The following RSRC1 variants were observed in gnomAD, a reference collection of about 807,000 sequenced individuals.
RSRC1 encodes the protein serine/Arginine-related protein 53.
A neutral mutation model predicts 49.1 loss-of-function variants in RSRC1; 39 were observed. The ratio of observed to expected loss-of-function variants is 0.79; its 90% confidence interval spans 0.61 to 1.04. The LOEUF is 1.04. Among genes scored for constraint, RSRC1 ranks in the 50% least tolerant of loss-of-function variants. The pLI is 0.00. For missense variants in RSRC1, 388 were observed against 402.4 expected (o/e 0.96, Z 0.31); for synonymous variants, 143 against 130.8 (o/e 1.09, Z -0.63).
intron 5 of RSRC1, among the ~76,000 whole-genome samples, chr3:158,334,764 C>T (rs1729791849): frequency 6.6e-6 from 1 of 151,636 alleles, no homozygotes; most frequent in Non-Finnish European, 1.5e-5. Flanking sequence ...CGTGATCTGC[C>T]CACCTCAGCC....
At chr3:158,461,550 A>G (rs1051352505) in intron 7 of RSRC1, among the ~76,000 whole-genome samples, 3 of 151,844 alleles carry the variant, frequency 2.0e-5, no homozygotes, top group Non-Finnish European at 4.4e-5. Context: ...ACAAATTTTT[A>G]TTTTCCCCTT....
intron 3 of RSRC1, among the ~76,000 whole-genome samples, chr3:158,157,540 G>T (rs1308275267): frequency 6.6e-6 from 1 of 152,200 alleles, no homozygotes; most frequent in Admixed American, 6.5e-5. Flanking sequence ...ATCAGAGGGA[G>T]AACTGGATTG....
At chr3:158,127,657 A>T (rs566691845) in intron 3 of RSRC1, among the ~76,000 whole-genome samples, 1 of 151,140 alleles carries the variant, frequency 6.6e-6, no homozygotes, top group South Asian at 2.1e-4. Context: ...TTTCTTTGTC[A>T]GGTAATTTAC....
rs550716036 is a variant in RSRC1 at position 158,182,906 on chromosome 3, A to G, written c.321-20166A>G. Among the ~76,000 whole-genome samples, 8 of 152,266 alleles carry G rather than the reference A, an allele frequency of 5.3e-5. No homozygotes were observed. The East Asian group carries it at 1.5e-3, about 29-fold the overall frequency. The stretch of plus-strand genomic sequence containing the variant: ...TAATTATGATATGGTACTGAGCTGT[A>G]TAGTAATGCTGTAAAGCACTATCTG... On this transcript the variant is annotated intron_variant, in intron 3 of 9. Coordinates refer to ENST00000611884, the MANE Select transcript of RSRC1 (RefSeq NM_001271838.2).
In RSRC1 at chr3:158,544,168, C is replaced by G; in HGVS notation, c.913-15C>G. 1 of 1,581,224 alleles carries G rather than the reference C, an allele frequency of 6.3e-7. No homozygotes were observed. Among genetic ancestry groups the G allele is most frequent in the Non-Finnish European group, 8.6e-7 (1 of 1,156,690 alleles). ...GGAGACAGTAACATTTTTTCTTTTTCTTTTCTTATTTCAGTTATTTATCGA... is the reference window on the plus strand; with the variant it reads ...GGAGACAGTAACATTTTTTCTTTTTGTTTTCTTATTTCAGTTATTTATCGA... On this transcript the variant is annotated splice_polypyrimidine_tract_variant and intron_variant, in intron 9 of 9. Transcript: ENST00000611884.
intron 6 of RSRC1, among the ~76,000 whole-genome samples, chr3:158,447,783 C>G (rs751617578): frequency 2.6e-5 from 4 of 151,556 alleles, no homozygotes; most frequent in Middle Eastern, 3.2e-3. Flanking sequence ...AAAGAAACAC[C>G]CTTTTTAATG....
chr3:158,196,220 C>T (rs1184933691), intron 3 of RSRC1, among the ~76,000 whole-genome samples: 3 of 151,750 alleles, frequency 2.0e-5, no homozygotes, highest in Non-Finnish European at 2.9e-5. Context: ...CTTCACATCC[C>T]TTGTAAGTTG....
chr3:158,226,097 G>C (rs1722516611), intron 4 of RSRC1, among the ~76,000 whole-genome samples: 1 of 151,862 alleles, frequency 6.6e-6, no homozygotes, highest in Admixed American at 6.6e-5. Context: ...TTGAGGAATG[G>C]ATACTGTTTG....
intron 4 of RSRC1, among the ~76,000 whole-genome samples, chr3:158,220,808 A>G (rs1252124008): frequency 6.6e-6 from 1 of 151,610 alleles, no homozygotes; most frequent in Non-Finnish European, 1.5e-5. Context: ...CTGGCTTTAA[A>G]TAGTTAGAAT....
chr3:158,361,410 G>C (rs1006477248), intron 6 of RSRC1, among the ~76,000 whole-genome samples: 1 of 152,128 alleles, frequency 6.6e-6, no homozygotes, highest in Non-Finnish European at 1.5e-5. Context: ...CCTTGGGGCG[G>C]GTCTCAACCA....
intron 3 of RSRC1, chr3:158,137,022 T>G (rs560252057): frequency 1.3e-5 from 2 of 152,294 alleles, no homozygotes; most frequent in East Asian, 3.9e-4. Flanking sequence ...TTAATAAAAT[T>G]TATCCAAAAT....
Position 158,504,404 on chromosome 3 carries a change from A to C in RSRC1, c.653-32688A>C, listed in dbSNP as rs78339351. Among the ~76,000 whole-genome samples, 37 of 152,328 alleles carry C rather than the reference A, an allele frequency of 2.4e-4. No homozygotes were observed. In the East Asian group the frequency reaches 4.1e-3, roughly 17 times the overall value. On this transcript the variant is annotated intron_variant, in intron 7 of 9. Transcript: ENST00000611884. ...CTAGTCCTGCTTCCCATCTGCCATG[A>C]TCAGATCAGGCTACTATGAAAATAT...
chr3:158,534,227 A>C (rs1712586476), intron 7 of RSRC1, among the ~76,000 whole-genome samples: 1 of 151,754 alleles, frequency 6.6e-6, no homozygotes, highest in South Asian at 2.1e-4. Flanking sequence ...TATAATCATT[A>C]TAAATTGTGA....
chr3:158,147,388 A>G (rs1717208163), intron 3 of RSRC1, among the ~76,000 whole-genome samples: 1 of 151,600 alleles, frequency 6.6e-6, no homozygotes, highest in Admixed American at 6.6e-5. Flanking sequence ...CTACAATTCC[A>G]TCATTATTTT....
At chr3:158,343,351 A>C (rs1578364462) in intron 5 of RSRC1, among the ~76,000 whole-genome samples, 1 of 152,236 alleles carries the variant, frequency 6.6e-6, no homozygotes, top group Non-Finnish European at 1.5e-5. Flanking sequence ...AAGTCTACTT[A>C]TAGGAATACA....
At chr3:158,184,363 C>T (rs1485910459) in intron 3 of RSRC1, among the ~76,000 whole-genome samples, 2 of 151,894 alleles carry the variant, frequency 1.3e-5, no homozygotes, top group African/African-American at 4.8e-5. Flanking sequence ...GCTTCGATTT[C>T]AAGTTTTCTT....
intron 4 of RSRC1, among the ~76,000 whole-genome samples, chr3:158,295,771 A>G (rs777560318): frequency 2.0e-5 from 3 of 152,136 alleles, no homozygotes; most frequent in Non-Finnish European, 4.4e-5. Flanking sequence ...AAACATGGCA[A>G]AGCAATAGCC....
intron 3 of RSRC1, among the ~76,000 whole-genome samples, chr3:158,162,904 G>C (rs762356292): frequency 2.0e-5 from 3 of 152,112 alleles, no homozygotes; most frequent in African/African-American, 4.8e-5. Context: ...AATGATATTC[G>C]TTAACTCTTC....
At chr3:158,432,107 A>T (rs892401727) in intron 6 of RSRC1, among the ~76,000 whole-genome samples, 1 of 151,920 alleles carries the variant, frequency 6.6e-6, no homozygotes, top group African/African-American at 2.4e-5. Flanking sequence ...CAAAGTTCTA[A>T]TAATCTCCCT....
Sources: gnomAD v4.1 joint callset for allele counts (sites outside exome capture counted in the v4.1 genomes callset) on GRCh38, gnomAD v4.1.1 for gene constraint, MANE v1.5 for transcripts, NCBI Gene and HGNC (gene_info 2026-07-23, HGNC 2026-07-21) for gene names.